The following SLC16A7 variants were observed in gnomAD, a reference collection of about 807,000 sequenced individuals.
The protein encoded by SLC16A7 is monocarboxylate transporter 2.
Under a neutral mutation model 34.9 loss-of-function variants are expected in SLC16A7, and 33 were observed. The ratio of observed to expected loss-of-function variants is 0.94; its 90% CI spans 0.72 to 1.26. The LOEUF (loss-of-function observed/expected upper bound fraction) is 1.26, where lower values mean the gene tolerates loss of function less well. Ranked by LOEUF, SLC16A7 falls within the 50% of genes most tolerant of loss-of-function variation. SLC16A7 has a pLI of 0.00. For synonymous variants in SLC16A7, 201 were observed against 206.6 expected (o/e 0.97, Z 0.23); for missense variants, 573 against 578.1 (o/e 0.99, Z 0.09).
intron 2 of SLC16A7, among the ~76,000 whole-genome samples, chr12:59,683,998 T>G (rs571227157): frequency 5.9e-5 from 9 of 152,306 alleles, no homozygotes. Context: ...TAGGAAAGAA[T>G]TTATTCAGTC....
chr12:59,774,394 T>C (rs1882524739), intron 4 of SLC16A7, among the ~76,000 whole-genome samples: 1 of 152,170 alleles, frequency 6.6e-6, no homozygotes, highest in Non-Finnish European at 1.5e-5. Flanking sequence ...CGACTGTTGA[T>C]ATATCAGTAG....
rs1269492561 is a variant in SLC16A7 at position 59,596,433 on chromosome 12, C to A, written c.-130+197C>A. ...TTATATAGACAAAAAAATCCCGAAG[C>A]GGCCGCGGGAGCAGAGCTCGCGTCA... On this transcript the variant is annotated intron_variant, in intron 1 of 5. Transcript: ENST00000547379. The surrounding 1 kb of genome is among the most constrained non-coding windows in gnomAD (Gnocchi z 5.0). 6.6e-6 allele frequency among the ~76,000 whole-genome samples: 1 copy of A among 152,134 alleles called. No individual in the cohort carries two copies.
intron 1 of SLC16A7, among the ~76,000 whole-genome samples, chr12:59,654,778 T>C (rs1337955415): frequency 6.6e-6 from 1 of 151,802 alleles, no homozygotes; most frequent in Non-Finnish European, 1.5e-5. Flanking sequence ...AAACAAGCTA[T>C]TGGTTTGAAA....
chr12:59,699,901 G>A (rs567334773), intron 2 of SLC16A7, among the ~76,000 whole-genome samples: 26 of 151,850 alleles, frequency 1.7e-4, no homozygotes, highest in Non-Finnish European at 3.1e-4. Context: ...CTGTAAACCA[G>A]TATTCTTTTT....
At chr12:59,665,061 A>G (rs928255978) in intron 2 of SLC16A7, 1 of 152,172 alleles carries the variant, frequency 6.6e-6, no homozygotes, top group Admixed American at 6.6e-5. Flanking sequence ...TGGAATAACA[A>G]TGAGAAACTT....
intron 3 of SLC16A7, among the ~76,000 whole-genome samples, chr12:59,713,586 G>C (rs866259131): frequency 2.0e-5 from 3 of 152,110 alleles, no homozygotes; most frequent in African/African-American, 7.2e-5. Flanking sequence ...TGTTCCAAAG[G>C]GATTTTTAAA....
chr12:59,758,865 A>T (rs1318779817), intron 3 of SLC16A7, among the ~76,000 whole-genome samples: 1 of 152,078 alleles, frequency 6.6e-6, no homozygotes. Context: ...AGATAGCTTT[A>T]GGATAACATT....
chr12:59,680,974 C>T (rs185179766), intron 2 of SLC16A7, among the ~76,000 whole-genome samples: 1 of 152,232 alleles, frequency 6.6e-6, no homozygotes, highest in East Asian at 1.9e-4. Flanking sequence ...TGATAATGCC[C>T]TCAATGGAAA....
chr12:59,685,433 C>A (rs1268745250), intron 2 of SLC16A7, among the ~76,000 whole-genome samples: 2 of 152,026 alleles, frequency 1.3e-5, no homozygotes, highest in Admixed American at 1.3e-4. Flanking sequence ...ATAGGAAATG[C>A]TGGTGGTGAA....
chr12:59,648,496 A>G (rs1868288076), intron 1 of SLC16A7, among the ~76,000 whole-genome samples: 1 of 152,156 alleles, frequency 6.6e-6, no homozygotes, highest in African/African-American at 2.4e-5. Flanking sequence ...AGGAATAAAT[A>G]TTGTTGCCAC....
chr12:59,611,385 AG>A (rs1463441546), intron 1 of SLC16A7, among the ~76,000 whole-genome samples: 2 of 152,194 alleles, frequency 1.3e-5, no homozygotes, highest in Non-Finnish European at 2.9e-5. Flanking sequence ...CACTATCATG[AG>A]AACAGCATGA....
chr12:59,704,710 T>C, intron 2 of SLC16A7, 62 bp from the exon 3 acceptor site: 1 of 804,430 alleles, frequency 1.2e-6, no homozygotes, highest in Non-Finnish European at 2.0e-6. Flanking sequence ...TTAGTGACTA[T>C]GAAGAGTGGT....
chr12:59,698,576 G>GTACAAAAATA (rs1872565438), intron 2 of SLC16A7, among the ~76,000 whole-genome samples: 1 of 151,802 alleles, frequency 6.6e-6, no homozygotes, highest in South Asian at 2.1e-4. Flanking sequence ...TACAGTTTCA[G>GTACAAAAATA]TCTTTTGATA....
chr12:59,727,975 A>G, intron 3 of SLC16A7, among the ~76,000 whole-genome samples: 1 of 152,194 alleles, frequency 6.6e-6, no homozygotes, highest in African/African-American at 2.4e-5. Flanking sequence ...ATGAAAGATG[A>G]TTGGAAATGG....
At chr12:59,768,297 C>CT in intron 3 of SLC16A7, 1 of 429,046 alleles carries the variant, frequency 2.3e-6, no homozygotes, top group Non-Finnish European at 4.7e-6. Context: ...TCATGGGTGA[C>CT]TTTAAGAGGC....
At chr12:59,700,644 A>G (rs990977125) in intron 2 of SLC16A7, among the ~76,000 whole-genome samples, 3 of 151,418 alleles carry the variant, frequency 2.0e-5, no homozygotes, top group Non-Finnish European at 3.0e-5. Context: ...ATACATATAC[A>G]CACGTACATA....
intron 2 of SLC16A7, among the ~76,000 whole-genome samples, chr12:59,690,932 GA>G (rs1328281809): frequency 2.0e-5 from 3 of 151,588 alleles, no homozygotes; most frequent in Non-Finnish European, 2.9e-5. Context: ...AAAATCATTA[GA>G]AAAAAAGATA....
chr12:59,721,843 C>T (rs1187310044), intron 3 of SLC16A7, among the ~76,000 whole-genome samples: 1 of 151,976 alleles, frequency 6.6e-6, no homozygotes, highest in Non-Finnish European at 1.5e-5. Flanking sequence ...CTTGATTTTA[C>T]TTATAAAATA....
intron 2 of SLC16A7, among the ~76,000 whole-genome samples, chr12:59,680,749 C>T (rs1870683015): frequency 6.6e-6 from 1 of 151,750 alleles, no homozygotes; most frequent in Non-Finnish European, 1.5e-5. Context: ...AGTAGGATTT[C>T]AATTGATATT....
Sources: gnomAD v4.1 joint callset for allele counts (sites outside exome capture counted in the v4.1 genomes callset) on GRCh38, gnomAD v4.1.1 for gene constraint, Gnocchi (gnomAD v3.1) non-coding constraint, MANE v1.5 for transcripts, NCBI Gene and HGNC (gene_info 2026-07-23, HGNC 2026-07-21) for gene names.